The following MCUB variants were observed in gnomAD, a reference collection of about 807,000 sequenced individuals.
MCUB encodes calcium uniporter regulatory subunit MCUb, mitochondrial.
A neutral mutation model predicts 41.4 loss-of-function variants in MCUB; 46 were observed. That is an observed-to-expected ratio of 1.11 (90% CI 0.88 to 1.42). The LOEUF is 1.42. MCUB is among the 40% of genes most tolerant of loss of function. MCUB has a pLI of 0.00. For synonymous variants in MCUB, 148 were observed against 148.2 expected (o/e 1.00, Z 0.01); for missense variants, 403 against 404.9 (o/e 1.00, Z 0.04).
chr4:109,649,952 A>G lies in MCUB; in HGVS notation c.100-9059A>G, dbSNP rs115762054. Reference sequence around the variant, plus strand: ...TGAGAAGTGGGGCCTGATTTGGGGAATCTGAACCCAGGTGTGGTATGGAGG... The same window carrying G: ...TGAGAAGTGGGGCCTGATTTGGGGAGTCTGAACCCAGGTGTGGTATGGAGG... On this transcript the variant is annotated intron_variant, in intron 1 of 7. Transcript: ENST00000394650. Among the ~76,000 whole-genome samples, 1,342 of 152,238 alleles carry G rather than the reference A, an allele frequency of 8.8e-3. 16 individuals carry two copies. Among genetic ancestry groups the G allele is most frequent in the African/African-American group, 0.031 (1,301 of 41,542 alleles).
intron 1 of MCUB, among the ~76,000 whole-genome samples, chr4:109,602,140 A>G (rs926130180): frequency 2.0e-5 from 3 of 152,154 alleles, no homozygotes; most frequent in African/African-American, 7.2e-5. Context: ...TGGGTAGTTT[A>G]CAGATATTTT....
chr4:109,602,198 C>T (rs890186346), intron 1 of MCUB, among the ~76,000 whole-genome samples: 1 of 152,156 alleles, frequency 6.6e-6, no homozygotes, highest in Non-Finnish European at 1.5e-5. Context: ...ATTTTCTTTG[C>T]TGTGCAGAAG....
intron 1 of MCUB, among the ~76,000 whole-genome samples, chr4:109,635,522 T>C (rs1165904616): frequency 6.6e-6 from 1 of 152,186 alleles, no homozygotes; most frequent in African/African-American, 2.4e-5. Context: ...GGGCCAGCTT[T>C]TTTGCAGGCT....
At chr4:109,564,813 G>T (rs1013900402) in intron 1 of MCUB, among the ~76,000 whole-genome samples, 1 of 152,212 alleles carries the variant, frequency 6.6e-6, no homozygotes, top group Non-Finnish European at 1.5e-5. Flanking sequence ...AAGATTTAGA[G>T]CAGGTGAGGG....
chr4:109,686,989 G>A (rs1396238657), intron 7 of MCUB, among the ~76,000 whole-genome samples: 1 of 151,600 alleles, frequency 6.6e-6, no homozygotes, highest in Non-Finnish European at 1.5e-5. Flanking sequence ...ATATTAAGTG[G>A]AAAACCATTA....
intron 3 of MCUB, among the ~76,000 whole-genome samples, chr4:109,663,663 C>A (rs1184669308): frequency 6.6e-6 from 1 of 152,120 alleles, no homozygotes; most frequent in African/African-American, 2.4e-5. Flanking sequence ...CACCACAAAT[C>A]AGTTACCTCT....
intron 1 of MCUB, among the ~76,000 whole-genome samples, chr4:109,652,924 C>A (rs1728992906): frequency 6.6e-6 from 1 of 152,218 alleles, no homozygotes; most frequent in African/African-American, 2.4e-5. Flanking sequence ...AGCAGTGAAC[C>A]AGACCAAGTC....
intron 1 of MCUB, among the ~76,000 whole-genome samples, chr4:109,610,694 A>C (rs1320814990): frequency 1.3e-5 from 2 of 152,192 alleles, no homozygotes; most frequent in Non-Finnish European, 2.9e-5. Context: ...CGATTTCATC[A>C]TTATGCGAAC....
intron 6 of MCUB, 67 bp downstream of exon 6, chr4:109,684,713 G>A (rs1357527646): frequency 5.3e-6 from 4 of 750,066 alleles, no homozygotes; most frequent in South Asian, 1.8e-5. Flanking sequence ...TCTAAGCAAT[G>A]AGCAAAAAAG....
chr4:109,680,959 A>G (rs957227621), intron 4 of MCUB, among the ~76,000 whole-genome samples: 2 of 152,202 alleles, frequency 1.3e-5, no homozygotes. Flanking sequence ...TTATAAACCC[A>G]TGGAGGAGGT....
chr4:109,585,489 T>C (rs530391940), intron 1 of MCUB, among the ~76,000 whole-genome samples: 10 of 152,350 alleles, frequency 6.6e-5, no homozygotes, highest in Admixed American at 5.2e-4. Flanking sequence ...GATCCTGTCA[T>C]TATGATGTTA....
intron 1 of MCUB, among the ~76,000 whole-genome samples, chr4:109,638,228 A>T (rs1728637018): frequency 1.3e-5 from 2 of 152,120 alleles, no homozygotes; most frequent in Non-Finnish European, 2.9e-5. Flanking sequence ...ATGGTGGCGC[A>T]TGCCTGTAGT....
chr4:109,562,285 C>A lies in MCUB; in HGVS notation c.99+1849C>A, dbSNP rs76424341. ...TAACAGGGAAACAGTAGTTAGGAAT[C>A]ATCGTAAGAAGCGTTATGTTTGAAT... On this transcript the variant is annotated intron_variant, in intron 1 of 7. Coordinates refer to ENST00000394650, the MANE Select transcript of MCUB (RefSeq NM_017918.5). Among the ~76,000 whole-genome samples, 11 of 152,296 alleles carry A rather than the reference C, an allele frequency of 7.2e-5. No individual in the cohort carries two copies. In the East Asian group the frequency reaches 2.1e-3, roughly 29 times the overall value.
rs1449091256 is a variant in MCUB, at chr4:109,577,701, C to G, written c.99+17265C>G. On this transcript the variant is annotated intron_variant, in intron 1 of 7. Transcript: ENST00000394650. ...CTCGGCTCACTGCAGGCTCCGCCCCCCGGGGTTCACGCCATTCTCCTGCCT... is the reference window on the plus strand; with the variant it reads ...CTCGGCTCACTGCAGGCTCCGCCCCGCGGGGTTCACGCCATTCTCCTGCCT... 5.2e-5 allele frequency among the ~76,000 whole-genome samples: 2 copies of G among 38,438 alleles called. 1 individual carries two copies. Among genetic ancestry groups the G allele is most frequent in the Non-Finnish European group, 1.2e-4 (2 of 16,794 alleles). 25.2% of individuals were successfully genotyped at this position (38,438 alleles called of 152,430 possible). A position where few individuals can be genotyped will look rare whatever the true frequency, so the allele number is the denominator to read the frequency against.
At chr4:109,634,988 T>G (rs1431827189) in intron 1 of MCUB, among the ~76,000 whole-genome samples, 1 of 151,906 alleles carries the variant, frequency 6.6e-6, no homozygotes, top group Non-Finnish European at 1.5e-5. Flanking sequence ...GTGTGTGATG[T>G]TCCCCTCCCT....
chr4:109,562,740 A>G (rs1726671630), intron 1 of MCUB, among the ~76,000 whole-genome samples: 1 of 152,234 alleles, frequency 6.6e-6, no homozygotes, highest in Non-Finnish European at 1.5e-5. Context: ...AAGCGTTCCC[A>G]ACTATAATTG....
chr4:109,584,193 C>T (rs1003537495), intron 1 of MCUB, among the ~76,000 whole-genome samples: 1 of 152,042 alleles, frequency 6.6e-6, no homozygotes, highest in African/African-American at 2.4e-5. Context: ...TGTATGTGTC[C>T]AGGAATTTAT....
intron 4 of MCUB, among the ~76,000 whole-genome samples, chr4:109,676,326 G>T (rs1210126193): frequency 6.6e-6 from 1 of 152,150 alleles, no homozygotes; most frequent in Non-Finnish European, 1.5e-5. Context: ...ATCACTTGAG[G>T]TCAGGAGTTT....
At chr4:109,588,334 A>G (rs17040572) in intron 1 of MCUB, among the ~76,000 whole-genome samples, 1 of 152,188 alleles carries the variant, frequency 6.6e-6, no homozygotes, top group African/African-American at 2.4e-5. Context: ...TGGTGATGCA[A>G]ATTGTCAGGT....
Sources: allele counts gnomAD v4.1 joint callset (sites outside exome capture counted in the v4.1 genomes callset), GRCh38; gene constraint gnomAD v4.1.1; transcripts MANE v1.5; gene names NCBI Gene and HGNC (gene_info 2026-07-23, HGNC 2026-07-21).